Variants in NEBL observed in about 807,000 individuals in gnomAD.
The protein encoded by NEBL is LIM and SH3 protein 2.
NEBL carries 122 observed loss-of-function variants against 140.2 expected under a neutral mutation model. The observed-to-expected ratio is 0.87, with a 90% confidence interval of 0.75 to 1.01. The LOEUF (loss-of-function observed/expected upper bound fraction) is 1.01. Among genes scored for constraint, NEBL ranks in the 50% least tolerant of loss-of-function variants. NEBL has a pLI of 0.00. For missense variants in NEBL, 1,365 were observed against 1,231.3 expected (o/e 1.11, Z -1.62); for synonymous variants, 436 against 398.9 (o/e 1.09, Z -1.11).
intron 2 of NEBL, among the ~76,000 whole-genome samples, chr10:21,250,038 T>C (rs1308946846): frequency 6.6e-6 from 1 of 152,100 alleles, no homozygotes; most frequent in Non-Finnish European, 1.5e-5. Context: ...CACTCCAGCC[T>C]GGTGACAGAG....
chr10:20,862,585 A>T (rs1473093198), intron 7 of NEBL, among the ~76,000 whole-genome samples: 1 of 152,156 alleles, frequency 6.6e-6, no homozygotes, highest in African/African-American at 2.4e-5. Flanking sequence ...CTGTGTGTCT[A>T]CCTCCTCATG....
intron 2 of NEBL, among the ~76,000 whole-genome samples, chr10:21,046,961 C>T (rs1437863049): frequency 2.6e-5 from 4 of 152,044 alleles, no homozygotes; most frequent in South Asian, 4.2e-4. Flanking sequence ...GGGAAGACAT[C>T]CATTTTGGAT....
intron 18 of NEBL, among the ~76,000 whole-genome samples, chr10:20,824,986 T>G (rs954155005): frequency 1.3e-5 from 2 of 152,182 alleles, no homozygotes; most frequent in Non-Finnish European, 2.9e-5. Context: ...GCTCTCACCA[T>G]GAAAGATCAG....
chr10:21,063,911 AAAC>A (rs946187582), intron 2 of NEBL, among the ~76,000 whole-genome samples: 19 of 151,544 alleles, frequency 1.3e-4, no homozygotes, highest in African/African-American at 4.3e-4. Context: ...ATATAAATAT[AAAC>A]AAAAAAAATT....
intron 2 of NEBL, among the ~76,000 whole-genome samples, chr10:21,069,742 G>A (rs1835730110): frequency 6.6e-6 from 1 of 152,152 alleles, no homozygotes; most frequent in Non-Finnish European, 1.5e-5. Flanking sequence ...AAGGATCACT[G>A]TTTCTAACCT....
intron 2 of NEBL, chr10:21,030,740 CAGAT>C (rs1833744169): frequency 4.5e-6 from 2 of 445,410 alleles, no homozygotes; most frequent in Non-Finnish European, 4.4e-6. Context: ...TGGAAGGAGT[CAGAT>C]AGGAAAGATG....
chr10:20,845,183 G>A, intron 12 of NEBL, 75 bp downstream of exon 12: 1 of 919,256 alleles, frequency 1.1e-6, no homozygotes, highest in Non-Finnish European at 1.8e-6. Context: ...AATTAGTAGA[G>A]AATTAGGTAA....
chr10:21,220,259 T>C (rs192062968), intron 3 of NEBL, among the ~76,000 whole-genome samples: 313 of 152,282 alleles, frequency 2.1e-3, no homozygotes, highest in Admixed American at 3.7e-3. Flanking sequence ...ACTGAATTCA[T>C]TTATTAGTTC....
rs368328326 is a variant in NEBL at position 21,151,030 on chromosome 10, C to T, written c.164+21353G>A. On this transcript the variant is annotated intron_variant, in intron 2 of 6. Coordinates refer to the NEBL transcript ENST00000417816. ...GATTGTTAGGGCAATTCCCTGACCTCTGAGCATCACTGAAAGGCAGAGACG... is the reference window on the plus strand; with the variant it reads ...GATTGTTAGGGCAATTCCCTGACCTTTGAGCATCACTGAAAGGCAGAGACG... Among the ~76,000 whole-genome samples, 51 of 152,258 alleles carry T rather than the reference C, an allele frequency of 3.3e-4. No individual in the cohort carries two copies. The South Asian group carries it at 9.7e-3, about 29-fold the overall frequency.
intron 2 of NEBL, among the ~76,000 whole-genome samples, chr10:21,170,891 C>T (rs895063482): frequency 3.9e-5 from 6 of 152,144 alleles, no homozygotes; most frequent in African/African-American, 1.4e-4. Flanking sequence ...ACCAAGGGCC[C>T]TCCATCTCTA....
intron 3 of NEBL, among the ~76,000 whole-genome samples, chr10:20,963,750 C>T (rs557475921): frequency 2.3e-3 from 350 of 152,278 alleles, no homozygotes; most frequent in African/African-American, 8.0e-3. Context: ...TCCACATTCA[C>T]AAGACACAAA....
intron 3 of NEBL, among the ~76,000 whole-genome samples, chr10:21,002,763 G>A (rs1482922803): frequency 6.6e-6 from 1 of 152,150 alleles, no homozygotes; most frequent in East Asian, 1.9e-4. Flanking sequence ...TTACCATCAC[G>A]AGAACAACAA....
At chr10:20,820,558 G>A (rs1839202353) in intron 19 of NEBL, among the ~76,000 whole-genome samples, 1 of 152,206 alleles carries the variant, frequency 6.6e-6, no homozygotes, top group Non-Finnish European at 1.5e-5. Context: ...GGGTTTGGTG[G>A]CTCACGCCTG....
At chr10:21,204,861 C>T (rs934336675) in intron 3 of NEBL, among the ~76,000 whole-genome samples, 4 of 152,192 alleles carry the variant, frequency 2.6e-5, no homozygotes, top group Non-Finnish European at 4.4e-5. Flanking sequence ...GCCTGCTGCA[C>T]TCCCCGTCAT....
At chr10:21,195,894 G>A (rs1306175418) in intron 3 of NEBL, among the ~76,000 whole-genome samples, 2 of 152,148 alleles carry the variant, frequency 1.3e-5, no homozygotes, top group African/African-American at 2.4e-5. Flanking sequence ...CATAAGGGCT[G>A]TATATTCCCA....
chr10:20,924,010 T>C (rs1156416338), intron 4 of NEBL, among the ~76,000 whole-genome samples: 1 of 152,194 alleles, frequency 6.6e-6, no homozygotes, highest in Non-Finnish European at 1.5e-5. Flanking sequence ...GGAGCTTTAC[T>C]GGGCCCCACA....
At chr10:21,268,858 A>G (rs1370950140) in intron 1 of NEBL, among the ~76,000 whole-genome samples, 1 of 152,188 alleles carries the variant, frequency 6.6e-6, no homozygotes, top group African/African-American at 2.4e-5. Context: ...AGACTTTGGA[A>G]ACAAGAAGAT....
intron 2 of NEBL, among the ~76,000 whole-genome samples, chr10:21,031,010 C>A (rs752781673): frequency 6.6e-6 from 1 of 152,186 alleles, no homozygotes; most frequent in East Asian, 1.9e-4. Flanking sequence ...GAGGAAAAAG[C>A]GTGATGCCCA....
At chr10:21,210,428 A>G (rs2132234989) in intron 3 of NEBL, among the ~76,000 whole-genome samples, 1 of 152,288 alleles carries the variant, frequency 6.6e-6, no homozygotes, top group Admixed American at 6.5e-5. Flanking sequence ...CCTAACTAAG[A>G]AAACCAAACT....
Sources: gnomAD v4.1 joint callset for allele counts (sites outside exome capture counted in the v4.1 genomes callset) on GRCh38, gnomAD v4.1.1 for gene constraint, MANE v1.5 for transcripts, NCBI Gene and HGNC (gene_info 2026-07-23, HGNC 2026-07-21) for gene names.